Variants in DAB1 observed in about 807,000 individuals in gnomAD.
DAB1 encodes DAB adaptor protein 1.
Under a neutral mutation model 64.6 loss-of-function variants are expected in DAB1, and 15 were observed. The ratio of observed to expected loss-of-function variants is 0.23; its 90% confidence interval spans 0.16 to 0.36. The LOEUF is 0.36. Among genes scored for constraint, DAB1 ranks in the 10% least tolerant of loss-of-function variants. DAB1 has a pLI of 1.00. For missense variants in DAB1, 596 were observed against 706.7 expected (o/e 0.84, Z 1.78); for synonymous variants, 235 against 251.9 (o/e 0.93, Z 0.64).
intron 5 of DAB1, among the ~76,000 whole-genome samples, chr1:58,051,453 G>A (rs1647662828): frequency 6.6e-6 from 1 of 152,156 alleles, no homozygotes; most frequent in African/African-American, 2.4e-5. Flanking sequence ...ATTATTGATG[G>A]ACATTTGGGT....
intron 1 of DAB1, among the ~76,000 whole-genome samples, chr1:57,325,324 G>A (rs1676066907): frequency 6.6e-6 from 1 of 152,202 alleles, no homozygotes. Flanking sequence ...CATCGGTGTT[G>A]GTAAGCATGC....
In DAB1 at chr1:57,416,818, G is replaced by A. The variant is rs542249186; in HGVS notation, c.-137+7112C>T. Among the ~76,000 whole-genome samples, 15 of 152,186 alleles carry A rather than the reference G, an allele frequency of 9.9e-5. 1 individual carries two copies. The highest frequency in any genetic ancestry group is 5.8e-4 in the East Asian group (3 of 5,188). On this transcript the variant is annotated intron_variant, in intron 1 of 14. Coordinates refer to ENST00000371236, the MANE Select transcript of DAB1 (RefSeq NM_001365792.1). Reference sequence around the variant, plus strand: ...GAGCATCTACTACATTCCAGACACCGGAGTTAAAAGGGACAGCTATATTTC... The same window carrying A: ...GAGCATCTACTACATTCCAGACACCAGAGTTAAAAGGGACAGCTATATTTC...
chr1:57,297,666 T>A (rs1673313375), intron 1 of DAB1, among the ~76,000 whole-genome samples: 1 of 152,184 alleles, frequency 6.6e-6, no homozygotes, highest in Admixed American at 6.5e-5. Context: ...CTTCTTCCTG[T>A]AATTGTGAGA....
intron 7 of DAB1, among the ~76,000 whole-genome samples, chr1:57,515,501 G>A (rs1189295678): frequency 6.6e-6 from 1 of 152,174 alleles, no homozygotes; most frequent in African/African-American, 2.4e-5. Flanking sequence ...TATGGTCGCT[G>A]TTCAAACCTC....
At chr1:57,839,597 T>C (rs1652961717) in intron 1 of DAB1, among the ~76,000 whole-genome samples, 1 of 152,232 alleles carries the variant, frequency 6.6e-6, no homozygotes, top group South Asian at 2.1e-4. Context: ...TAAACACAAA[T>C]ATGGCAGCTA....
chr1:57,817,019 ATCT>A (rs1270663522), intron 6 of DAB1, among the ~76,000 whole-genome samples: 1 of 152,116 alleles, frequency 6.6e-6, no homozygotes, highest in Non-Finnish European at 1.5e-5. Flanking sequence ...TTATGACTCA[ATCT>A]TCATAGGCTT....
At chr1:58,242,645 G>T (rs747010198) in intron 4 of DAB1, among the ~76,000 whole-genome samples, 2 of 151,906 alleles carry the variant, frequency 1.3e-5, no homozygotes, top group Non-Finnish European at 2.9e-5. Flanking sequence ...TAAACAATTT[G>T]GAAAAAGTTG....
At chr1:58,233,414 T>G (rs1166949581) in intron 4 of DAB1, among the ~76,000 whole-genome samples, 3 of 152,122 alleles carry the variant, frequency 2.0e-5, no homozygotes, top group Non-Finnish European at 2.9e-5. Context: ...CAGGTCTGCT[T>G]GCTCCCCAGG....
At chr1:58,181,237 T>G (rs927665382) in intron 4 of DAB1, among the ~76,000 whole-genome samples, 9 of 152,166 alleles carry the variant, frequency 5.9e-5, no homozygotes, top group Non-Finnish European at 1.2e-4. Flanking sequence ...TGTTTTAAAG[T>G]CTATTTCTTT....
chr1:57,733,871 C>T (rs1389729492), intron 6 of DAB1, among the ~76,000 whole-genome samples: 1 of 151,868 alleles, frequency 6.6e-6, no homozygotes, highest in Admixed American at 6.6e-5. Flanking sequence ...TGGGTGTCCT[C>T]CTGAAGAAGA....
chr1:57,723,740 T>C (rs961848885), intron 6 of DAB1, among the ~76,000 whole-genome samples: 13 of 152,198 alleles, frequency 8.5e-5, no homozygotes, highest in African/African-American at 3.1e-4. Context: ...GTGGCTACAT[T>C]TTTCTGGAGG....
At chr1:58,189,676 A>G (rs1204783157) in intron 4 of DAB1, among the ~76,000 whole-genome samples, 2 of 152,204 alleles carry the variant, frequency 1.3e-5, no homozygotes, top group African/African-American at 4.8e-5. Flanking sequence ...CTGTGCCCTT[A>G]TCTCTTGTCC....
chr1:58,480,865 TC>T, intron 3 of DAB1: 3 of 673,528 alleles, frequency 4.5e-6, no homozygotes, highest in Non-Finnish European at 7.4e-6. Context: ...ACCCTGAATA[TC>T]CTTTTTTTTT....
intron 7 of DAB1, among the ~76,000 whole-genome samples, chr1:57,557,957 A>C (rs753525885): frequency 6.6e-6 from 1 of 152,218 alleles, no homozygotes; most frequent in Non-Finnish European, 1.5e-5. Flanking sequence ...TATCTCCTGT[A>C]GAGAAAGAGC....
At chr1:57,411,490 G>C (rs1178280737) in intron 1 of DAB1, among the ~76,000 whole-genome samples, 1 of 152,238 alleles carries the variant, frequency 6.6e-6, no homozygotes, top group Non-Finnish European at 1.5e-5. Context: ...TGCCAGAGTA[G>C]TGTGTCAGCA....
At chr1:58,300,642 GA>G (rs763495797) in intron 4 of DAB1, among the ~76,000 whole-genome samples, 1,019 of 51,360 alleles carry the variant, frequency 0.02, 38 homozygotes, top group East Asian at 0.073. Context: ...GAGAGAGAGA[GA>G]GAGAGGAAGG....
At chr1:57,952,460 A>T (rs1190248546) in intron 5 of DAB1, among the ~76,000 whole-genome samples, 1 of 152,124 alleles carries the variant, frequency 6.6e-6, no homozygotes, top group Non-Finnish European at 1.5e-5. Context: ...CAGTATCTTC[A>T]CTAATCATAT....
At chr1:57,878,532 T>G (rs975640798) in intron 1 of DAB1, 1 of 152,180 alleles carries the variant, frequency 6.6e-6, no homozygotes, top group Non-Finnish European at 1.5e-5. Flanking sequence ...CTATGTCTGT[T>G]TCACTTTTTA....
chr1:58,305,115 G>A (rs1055298241), intron 4 of DAB1, among the ~76,000 whole-genome samples: 2 of 151,966 alleles, frequency 1.3e-5, no homozygotes, highest in African/African-American at 4.8e-5. Context: ...CAATTCACAG[G>A]CTATTCACAG....
Sources: allele counts gnomAD v4.1 joint callset (sites outside exome capture counted in the v4.1 genomes callset), GRCh38; gene constraint gnomAD v4.1.1; transcripts MANE v1.5; gene names NCBI Gene and HGNC (gene_info 2026-07-23, HGNC 2026-07-21).